NBPF20: variants seen among roughly 807,000 people sequenced by gnomAD.
NBPF20 encodes the protein NBPF family member NBPF20.
In NBPF20, 90 loss-of-function variants were observed where a neutral mutation model predicts 68.1. The observed-to-expected ratio is 1.32, with a 90% CI of 1.11 to 1.58. The LOEUF (loss-of-function observed/expected upper bound fraction) is 1.58, where lower values mean the gene tolerates loss of function less well. Ranked by LOEUF, NBPF20 falls within the 40% of genes most tolerant of loss-of-function variation. The probability of loss-of-function intolerance (pLI) is 0.00; values close to 1 mark genes in which losing one functional copy is unlikely to be tolerated. For synonymous variants in NBPF20, 290 were observed against 228.1 expected, an observed-to-expected ratio of 1.27 and a Z score of -2.45; for missense variants, 816 against 601.2, an observed-to-expected ratio of 1.36 and a Z score of -3.74.
chr1:145,341,117 G>A (rs1661609220), intron 75 of NBPF20, among the ~76,000 whole-genome samples, 178 bp from the exon 81 acceptor site: 1 of 85,330 alleles, frequency 1.2e-5, no homozygotes, highest in Admixed American at 1.1e-4. Context: ...AGAAAACAAT[G>A]AAAGAGAAAG....
intron 9 of NBPF20, among the ~76,000 whole-genome samples, 180 bp from the exon 15 acceptor site, chr1:145,393,426 AAGAG>A (rs1218246715): frequency 2.0e-5 from 3 of 148,398 alleles, no homozygotes; most frequent in East Asian, 4.0e-4. Context: ...AAAAGGATGA[AAGAG>A]AGAGACACAC....
At chr1:145,393,995 C>T (rs1293719436) in intron 8 of NBPF20, 60 bp from the exon 14 acceptor site, 25 of 886,274 alleles carry the variant, frequency 2.8e-5, no homozygotes, top group African/African-American at 8.1e-5. Context: ...CACACAGAAA[C>T]ATTCCTCTGT....
upstream of NBPF20, among the ~76,000 whole-genome samples, chr1:145,409,979 T>G (rs497163): frequency 0.083 from 12,553 of 152,004 alleles, 1,213 homozygotes; most frequent in African/African-American, 0.23. Context: ...AGAAACAGCA[T>G]CCCGCCCCTC....
intron 119 of NBPF20, among the ~76,000 whole-genome samples, 197 bp from the exon 125 acceptor site, chr1:145,306,262 GACAC>G (rs1156980239): frequency 5.6e-5 from 8 of 143,580 alleles, no homozygotes; most frequent in Non-Finnish European, 6.2e-5. Flanking sequence ...AAGACAGATA[GACAC>G]ACACACACAC....
At chr1:145,411,524 T>TACAGGA in the NBPF20 span, among the ~76,000 whole-genome samples, 3 of 97,232 alleles carry the variant, frequency 3.1e-5, no homozygotes, top group Non-Finnish European at 6.2e-5. Context: ...CCCAAGTAGC[T>TACAGGA]GGACTACAGG....
intron 73 of NBPF20, among the ~76,000 whole-genome samples, chr1:145,342,792 C>G (rs1216675339): frequency 7.7e-5 from 9 of 116,632 alleles, no homozygotes; most frequent in South Asian, 2.7e-4. Context: ...CACACACACA[C>G]ACAGACACAC....
chr1:145,291,753 T>A (rs587735662), exon 138 of NBPF20: 4 of 1,611,714 alleles, frequency 2.5e-6, no homozygotes, highest in South Asian at 1.1e-5. Context: ...TCCACTTCCA[T>A]CAGCACGCCG....
chr1:145,410,700 A>ATGTG, the NBPF20 span, among the ~76,000 whole-genome samples: 2,128 of 118,262 alleles, frequency 0.018, 34 homozygotes, highest in Middle Eastern at 0.078. Flanking sequence ...ATATATATAT[A>ATGTG]TGTGTGTGTG....
chr1:145,393,658 G>A (rs1266299649), intron 9 of NBPF20: 3 of 1,242,636 alleles, frequency 2.4e-6, no homozygotes, highest in African/African-American at 1.5e-5. Context: ...TGAGAATACA[G>A]CTTTTGAGTT....
chr1:145,398,077 T>C (rs1662348942), intron 7 of NBPF20, among the ~76,000 whole-genome samples: 1 of 152,118 alleles, frequency 6.6e-6, no homozygotes, highest in Admixed American at 6.6e-5. Context: ...CCCAGATTCA[T>C]AAAGCAAGTC....
At chr1:145,412,380 A>T in the NBPF20 span, among the ~76,000 whole-genome samples, 1 of 152,044 alleles carries the variant, frequency 6.6e-6, no homozygotes. Context: ...CAACCACTGA[A>T]CCAATTCTAT....
chr1:145,410,752 A>G, the NBPF20 span, among the ~76,000 whole-genome samples: 3,119 of 138,208 alleles, frequency 0.023, 142 homozygotes, highest in African/African-American at 0.081. Context: ...ATATATATAC[A>G]TATATATATA....
At chr1:145,406,075 C>T (rs1426727752), upstream of NBPF20, among the ~76,000 whole-genome samples, 3 of 149,546 alleles carry the variant, frequency 2.0e-5, no homozygotes, top group Admixed American at 6.7e-5. Context: ...CCCGCCACCA[C>T]GCCCGGCTAA....
exon 138 of NBPF20, chr1:145,291,626 T>A (rs782506637): frequency 1.4e-5 from 22 of 1,611,892 alleles, no homozygotes; most frequent in Non-Finnish European, 1.6e-5. Context: ...GCTGATGTGC[T>A]GTTCCTCAAA....
chr1:145,394,222 A>C (rs1662100316), intron 8 of NBPF20, among the ~76,000 whole-genome samples: 1 of 151,944 alleles, frequency 6.6e-6, no homozygotes, highest in Non-Finnish European at 1.5e-5. Context: ...AATAAATTGT[A>C]GGCAAATAGT....
intron 8 of NBPF20, among the ~76,000 whole-genome samples, chr1:145,394,356 G>C (rs1375248092): frequency 2.6e-5 from 4 of 151,646 alleles, no homozygotes; most frequent in Non-Finnish European, 4.4e-5. Context: ...ACCAGCTCTT[G>C]AGTCAAAATG....
At chr1:145,393,678 T>G in intron 9 of NBPF20, 2 of 1,391,776 alleles carry the variant, frequency 1.4e-6, no homozygotes, top group Non-Finnish European at 1.9e-6. Context: ...TATGGTCAAC[T>G]TTCACTAGGT....
At chr1:145,290,271 C>G (rs1484237951) in exon 138 of NBPF20, 2 of 149,082 alleles carry the variant, frequency 1.3e-5, no homozygotes, top group African/African-American at 2.6e-5. Flanking sequence ...TTCCCAAGTA[C>G]TTCTTCATTA....
At chr1:145,402,419 G>T (rs1277076173) in intron 3 of NBPF20, 38 bp from the exon 9 acceptor site, 22 of 1,604,630 alleles carry the variant, frequency 1.4e-5, no homozygotes, top group Admixed American at 5.0e-5. Flanking sequence ...AGAGTGGAAA[G>T]GTTCAGTGAT....
Sources: gnomAD v4.1 joint callset for allele counts (sites outside exome capture counted in the v4.1 genomes callset) on GRCh38, gnomAD v4.1.1 for gene constraint, MANE v1.5 for transcripts, NCBI Gene and HGNC (gene_info 2026-07-23, HGNC 2026-07-21) for gene names.